The following RAB5A variants were observed in gnomAD, a reference collection of about 807,000 sequenced individuals.
The protein encoded by RAB5A is RAB5A, member RAS oncogene family.
In RAB5A, 8 loss-of-function variants were observed where a neutral mutation model predicts 25.7. That is an observed-to-expected ratio of 0.31 (90% CI 0.18 to 0.56). RAB5A has a LOEUF of 0.56. Among genes scored for constraint, RAB5A ranks in the 20% least tolerant of loss-of-function variants. The pLI is 0.91. For missense variants in RAB5A, 192 were observed against 259.7 expected (o/e 0.74, Z 1.79); for synonymous variants, 98 against 89.8 (o/e 1.09, Z -0.52).
intron 4 of RAB5A, among the ~76,000 whole-genome samples, chr3:19,977,646 C>T (rs774553912): frequency 6.6e-6 from 1 of 152,164 alleles, no homozygotes; most frequent in Admixed American, 6.5e-5. Flanking sequence ...AGAGAAAACA[C>T]TTAAATTACA....
At chr3:19,961,455 A>G (rs1696583421) in intron 2 of RAB5A, among the ~76,000 whole-genome samples, 1 of 152,210 alleles carries the variant, frequency 6.6e-6, no homozygotes, top group Non-Finnish European at 1.5e-5. Flanking sequence ...GTTAAATAAT[A>G]TGTAGTATTT....
chr3:19,952,597 G>T (rs1297580500), intron 2 of RAB5A, among the ~76,000 whole-genome samples: 1 of 152,048 alleles, frequency 6.6e-6, no homozygotes, highest in Non-Finnish European at 1.5e-5. Context: ...ACTACCTCCT[G>T]GCCTTTGTAT....
chr3:19,974,270 T>C (rs1469356481), intron 2 of RAB5A, among the ~76,000 whole-genome samples: 1 of 151,922 alleles, frequency 6.6e-6, no homozygotes, highest in Non-Finnish European at 1.5e-5. Flanking sequence ...CTCTCCTGCC[T>C]CAGCCTCCCG....
chr3:19,972,618 G>A (rs540225653), intron 2 of RAB5A, among the ~76,000 whole-genome samples: 1 of 152,256 alleles, frequency 6.6e-6, no homozygotes, highest in Non-Finnish European at 1.5e-5. Context: ...GAAGAATCTC[G>A]TGTGTTTATT....
chr3:19,969,054 T>G (rs1465915852), intron 2 of RAB5A, among the ~76,000 whole-genome samples: 1 of 139,630 alleles, frequency 7.2e-6, no homozygotes, highest in Non-Finnish European at 1.5e-5. Context: ...GGTTTTTTTT[T>G]TTTTTTTGAG....
intron 1 of RAB5A, among the ~76,000 whole-genome samples, chr3:19,949,152 G>A (rs983235825): frequency 5.3e-5 from 8 of 152,156 alleles, no homozygotes; most frequent in African/African-American, 1.4e-4. Context: ...TTGTGGAGGA[G>A]GGGGCATTTT....
rs386396075 is a variant in RAB5A, at chr3:19,969,045, G to GTTTTTT, written c.164-6545_164-6540dup. 2.2e-3 allele frequency among the ~76,000 whole-genome samples: 224 copies of GTTTTTT among 103,338 alleles called. 6 individuals are homozygous for GTTTTTT. The highest frequency in any genetic ancestry group is 3.4e-3 in the South Asian group (13 of 3,850). 67.8% of individuals were successfully genotyped at this position (103,338 alleles called of 152,430 possible). A position where few individuals can be genotyped will look rare whatever the true frequency, so the allele number is the denominator to read the frequency against. On this transcript the variant is annotated intron_variant, in intron 2 of 5. Coordinates refer to ENST00000273047, the MANE Select transcript of RAB5A (RefSeq NM_004162.5). Reference sequence around the variant, plus strand: ...TTTTGGTTTTGGTTTTTTTTTTTTGGTTTTTTTTTTTTTTTTGAGATGGAG... The same window carrying GTTTTTT: ...TTTTGGTTTTGGTTTTTTTTTTTTGGTTTTTTTTTTTTTTTTTTTTTTGAGATGGAG...
chr3:19,957,366 C>A (rs1044118025), intron 2 of RAB5A, among the ~76,000 whole-genome samples: 1 of 151,918 alleles, frequency 6.6e-6, no homozygotes, highest in Non-Finnish European at 1.5e-5. Context: ...TAAATGTCCT[C>A]ACCATTAAAA....
At chr3:19,977,127 A>G (rs1696836239) in intron 4 of RAB5A, among the ~76,000 whole-genome samples, 1 of 149,340 alleles carries the variant, frequency 6.7e-6, no homozygotes, top group Non-Finnish European at 1.5e-5. Flanking sequence ...GCTGGAGTGC[A>G]GTGGCGCAAT....
intron 2 of RAB5A, among the ~76,000 whole-genome samples, chr3:19,960,392 T>A (rs13324769): frequency 6.6e-6 from 1 of 152,114 alleles, no homozygotes; most frequent in Admixed American, 6.6e-5. Flanking sequence ...CCTCAACTTC[T>A]GGGCTCCAGC....
At chr3:19,965,421 A>T (rs1290953123) in intron 2 of RAB5A, among the ~76,000 whole-genome samples, 1 of 57,486 alleles carries the variant, frequency 1.7e-5, no homozygotes, top group Non-Finnish European at 4.5e-5. Flanking sequence ...CCCTGTCTTA[A>T]AAAAAAAAAA....
intron 2 of RAB5A, among the ~76,000 whole-genome samples, chr3:19,965,855 G>A (rs943887278): frequency 1.3e-5 from 2 of 151,866 alleles, no homozygotes; most frequent in South Asian, 2.1e-4. Context: ...CCAACCCCCC[G>A]CCCAGTAGCT....
chr3:19,960,898 G>A (rs1696575343), intron 2 of RAB5A, among the ~76,000 whole-genome samples: 1 of 152,128 alleles, frequency 6.6e-6, no homozygotes, highest in Non-Finnish European at 1.5e-5. Flanking sequence ...AAGAAGAAGT[G>A]GGTAATCTTG....
At position 19,950,958 on chromosome 3, in the gene RAB5A, G is replaced by A; in HGVS notation, c.60G>A (p.Gln20=). Residue 20 remains glutamine, a synonymous_variant, in exon 2 of 6, where the codon CAG becomes CAA. Coordinates refer to ENST00000273047, the MANE Select transcript of RAB5A (RefSeq NM_004162.5). ...NGPNTGNKIC[Q]FKLVLLGESA... ...CAAATACGGGAAATAAAATATGCCA[G>A]TTCAAACTAGTACTTCTGGGAGAGT... The A allele has an allele frequency of 1.2e-6, 2 of 1,614,072 alleles. No homozygotes were observed. The highest frequency in any genetic ancestry group is 1.7e-6 in the Non-Finnish European group (2 of 1,179,958).
intron 2 of RAB5A, among the ~76,000 whole-genome samples, chr3:19,962,996 G>C (rs371790583): frequency 5.1e-4 from 78 of 152,170 alleles, no homozygotes; most frequent in African/African-American, 1.9e-3. Context: ...AATTTTTGTA[G>C]AGAAGGGTTC....
At chr3:19,950,589 A>G (rs1696408327) in intron 1 of RAB5A, among the ~76,000 whole-genome samples, 1 of 152,226 alleles carries the variant, frequency 6.6e-6, no homozygotes, top group South Asian at 2.1e-4. Context: ...TGCCTGGCAC[A>G]AACTTGAAGC....
intron 2 of RAB5A, among the ~76,000 whole-genome samples, chr3:19,959,846 A>C (rs1238936221): frequency 6.6e-6 from 1 of 151,998 alleles, no homozygotes; most frequent in Non-Finnish European, 1.5e-5. Flanking sequence ...AGCAGGTCTT[A>C]AAACTCCTGA....
At chr3:19,953,083 CTG>C (rs1336709216) in intron 2 of RAB5A, among the ~76,000 whole-genome samples, 1 of 152,102 alleles carries the variant, frequency 6.6e-6, no homozygotes, top group Non-Finnish European at 1.5e-5. Context: ...AATAAAAACT[CTG>C]AAGTACTGTA....
chr3:19,982,322 T>G (rs1172925156), intron 5 of RAB5A, among the ~76,000 whole-genome samples: 3 of 152,166 alleles, frequency 2.0e-5, no homozygotes, highest in African/African-American at 7.2e-5. Flanking sequence ...TATGTGGATA[T>G]GTTTGTGTCT....
Sources: gnomAD v4.1 joint callset for allele counts (sites outside exome capture counted in the v4.1 genomes callset) on GRCh38, gnomAD v4.1.1 for gene constraint, MANE v1.5 for transcripts, NCBI Gene and HGNC (gene_info 2026-07-23, HGNC 2026-07-21) for gene names.